Variants in WDR59 observed in about 807,000 individuals in gnomAD.
The protein encoded by WDR59 is WD repeat domain 59, also known as GATOR2 complex protein WDR59.
In WDR59, 100 loss-of-function variants were observed where a neutral mutation model predicts 131.2. The ratio of observed to expected loss-of-function variants is 0.76; its 90% CI spans 0.65 to 0.90. The LOEUF (loss-of-function observed/expected upper bound fraction) is 0.90, where lower values mean the gene tolerates loss of function less well. WDR59 is among the 40% of genes least tolerant of loss of function. WDR59 has a pLI of 0.00. For missense variants in WDR59, 1,203 were observed against 1,262.2 expected, an observed-to-expected ratio of 0.95 and a Z score of 0.71; for synonymous variants, 601 against 466.2, an observed-to-expected ratio of 1.29 and a Z score of -3.72.
At chr16:74,886,111 G>A (rs1964744699) in intron 24 of WDR59, 159 bp downstream of exon 24, 1 of 921,606 alleles carries the variant, frequency 1.1e-6, no homozygotes, top group Non-Finnish European at 1.6e-6. Context: ...CTGGGAAGCA[G>A]AGGTTGCAGA....
chr16:74,981,487 G>T (rs907824538), intron 1 of WDR59, among the ~76,000 whole-genome samples: 1 of 149,994 alleles, frequency 6.7e-6, no homozygotes, highest in African/African-American at 2.4e-5. Flanking sequence ...GATACCATAA[G>T]GTTGAGGCTG....
intron 17 of WDR59, among the ~76,000 whole-genome samples, chr16:74,907,972 T>C (rs1369132766): frequency 6.6e-6 from 1 of 152,182 alleles, no homozygotes; most frequent in Admixed American, 6.5e-5. Flanking sequence ...GGCTCTGAAG[T>C]CTATATTCCT....
intron 25 of WDR59, among the ~76,000 whole-genome samples, chr16:74,877,837 G>A (rs1282100938): frequency 1.3e-5 from 2 of 152,112 alleles, no homozygotes; most frequent in African/African-American, 2.4e-5. Context: ...GAGCCACCGC[G>A]CCCCGCCTGC....
intron 25 of WDR59, among the ~76,000 whole-genome samples, chr16:74,876,150 C>G (rs767193541): frequency 2.0e-5 from 3 of 151,608 alleles, no homozygotes; most frequent in Non-Finnish European, 2.9e-5. Flanking sequence ...AACTGGTGGT[C>G]AGAAAAAAAA....
At chr16:74,957,410 G>T (rs111250665) in intron 2 of WDR59, among the ~76,000 whole-genome samples, 2 of 152,076 alleles carry the variant, frequency 1.3e-5, no homozygotes, top group African/African-American at 4.8e-5. Flanking sequence ...GCTTCACATC[G>T]CCAGGCTCAG....
At chr16:74,975,406 T>C (rs1174950710) in intron 1 of WDR59, among the ~76,000 whole-genome samples, 3 of 151,408 alleles carry the variant, frequency 2.0e-5, no homozygotes, top group Non-Finnish European at 4.4e-5. Flanking sequence ...CTTATGCCTG[T>C]AATTCCAGCA....
At chr16:74,879,791 T>C (rs1302612800) in intron 25 of WDR59, among the ~76,000 whole-genome samples, 1 of 152,114 alleles carries the variant, frequency 6.6e-6, no homozygotes, top group Non-Finnish European at 1.5e-5. Context: ...CCATAGGAAA[T>C]ATCATATGTT....
intron 13 of WDR59, among the ~76,000 whole-genome samples, chr16:74,914,418 T>C (rs901676426): frequency 6.6e-5 from 10 of 152,168 alleles, no homozygotes; most frequent in African/African-American, 2.4e-4. Flanking sequence ...TTTCTTGTGT[T>C]GCCAACTAGA....
At chr16:74,971,059 C>CA (rs987014098) in intron 1 of WDR59, among the ~76,000 whole-genome samples, 13 of 151,256 alleles carry the variant, frequency 8.6e-5, no homozygotes, top group African/African-American at 2.4e-4. Flanking sequence ...AAAAAAAAGC[C>CA]AAAAAAAAGA....
chr16:74,972,821 TAAAAAAAAA>T (rs57885889), intron 1 of WDR59, among the ~76,000 whole-genome samples: 1,330 of 55,096 alleles, frequency 0.024, 33 homozygotes, highest in African/African-American at 0.066. Context: ...GACTCTGTCT[TAAAAAAAAA>T]AAAAAAAAAA....
At chr16:74,974,728 C>T (rs961847076) in intron 1 of WDR59, among the ~76,000 whole-genome samples, 1 of 152,134 alleles carries the variant, frequency 6.6e-6, no homozygotes, top group African/African-American at 2.4e-5. Flanking sequence ...TTAAGGCAGA[C>T]GGTGCCTACA....
chr16:74,897,578 G>A (rs1211660909), intron 18 of WDR59, among the ~76,000 whole-genome samples: 1 of 152,146 alleles, frequency 6.6e-6, no homozygotes, highest in African/African-American at 2.4e-5. Flanking sequence ...AGGTCCTTCT[G>A]TTTGATCCGT....
chr16:74,881,286 A>G (rs999441001), intron 25 of WDR59, among the ~76,000 whole-genome samples: 3 of 152,236 alleles, frequency 2.0e-5, no homozygotes, highest in Admixed American at 6.5e-5. Context: ...CAAGATTACC[A>G]CAGAGGAAAC....
chr16:74,965,648 G>T (rs897155580), intron 2 of WDR59, 125 bp downstream of exon 2: 2 of 1,142,930 alleles, frequency 1.7e-6, no homozygotes, highest in Non-Finnish European at 2.6e-6. Context: ...AGGCAAACAG[G>T]ATATCAGAAC....
intron 10 of WDR59, among the ~76,000 whole-genome samples, chr16:74,921,412 A>G (rs1009281639): frequency 6.6e-6 from 1 of 152,190 alleles, no homozygotes; most frequent in African/African-American, 2.4e-5. Flanking sequence ...GTAACTAACA[A>G]TGGGTTCCTA....
At chr16:74,903,421 T>G (rs1265005212) in intron 18 of WDR59, among the ~76,000 whole-genome samples, 1 of 151,850 alleles carries the variant, frequency 6.6e-6, no homozygotes, top group Non-Finnish European at 1.5e-5. Flanking sequence ...ACTAGGCACA[T>G]AAGGACAAGC....
At chr16:74,960,423 T>C (rs2033507066) in intron 2 of WDR59, among the ~76,000 whole-genome samples, 1 of 151,790 alleles carries the variant, frequency 6.6e-6, no homozygotes, top group Non-Finnish European at 1.5e-5. Context: ...CATTGACTAC[T>C]AGTAGGAATT....
At chr16:74,889,682 T>A in intron 21 of WDR59, 21 bp downstream of exon 21, 5 of 1,600,714 alleles carry the variant, frequency 3.1e-6, no homozygotes, top group East Asian at 2.2e-5. Context: ...ATTTTTCTCA[T>A]TTTTAGCTCT....
rs182449728 is a variant in WDR59 at position 74,984,937 on chromosome 16, G to C, written c.54+27C>G. ...GGGAAGCGGGGAGGACGCATGCCCA[G>C]AGGGCTCCACTCGGCCTCTAGCTCA... On this transcript the variant is annotated intron_variant, in intron 1 of 25. Transcript: ENST00000262144. 9.0e-4 allele frequency: 1,436 copies of C among 1,600,474 alleles called. 8 individuals carry two copies. The African/African-American group carries it at 0.017, about 19-fold the overall frequency.
Sources: gnomAD v4.1 joint callset for allele counts (sites outside exome capture counted in the v4.1 genomes callset) on GRCh38, gnomAD v4.1.1 for gene constraint, MANE v1.5 for transcripts, NCBI Gene and HGNC (gene_info 2026-07-23, HGNC 2026-07-21) for gene names.